The following CCDC125 variants were observed in gnomAD, a reference collection of about 807,000 sequenced individuals.
The protein encoded by CCDC125 is coiled-coil domain-containing protein 125.
Under a neutral mutation model 57.4 loss-of-function variants are expected in CCDC125, and 43 were observed. The ratio of observed to expected loss-of-function variants is 0.75; its 90% CI spans 0.59 to 0.97. The LOEUF is 0.97. Among genes scored for constraint, CCDC125 ranks in the 50% least tolerant of loss-of-function variants. CCDC125 has a pLI of 0.00. For synonymous variants in CCDC125, 187 were observed against 195.2 expected, an observed-to-expected ratio of 0.96 and a Z score of 0.35; for missense variants, 563 against 595.7, an observed-to-expected ratio of 0.95 and a Z score of 0.57.
chr5:69,275,892 C>T (rs1352922658), downstream of CCDC125, among the ~76,000 whole-genome samples: 3 of 152,138 alleles, frequency 2.0e-5, no homozygotes, highest in Admixed American at 2.0e-4. Context: ...ATCTTGGCTT[C>T]CATCCCCAAG....
intron 11 of CCDC125, among the ~76,000 whole-genome samples, chr5:69,283,790 C>T (rs1242728777): frequency 2.3e-5 from 3 of 127,760 alleles, no homozygotes; most frequent in Non-Finnish European, 5.1e-5. Flanking sequence ...GCCAGGCTGA[C>T]AATTTTTTTT....
chr5:69,292,894 G>A (rs191931222), intron 9 of CCDC125, among the ~76,000 whole-genome samples: 224 of 150,490 alleles, frequency 1.5e-3, no homozygotes, highest in Admixed American at 6.4e-3. Flanking sequence ...AGGCTGGAGT[G>A]CAGTGTCGTG....
At chr5:69,302,233 T>G (rs10940214) in intron 7 of CCDC125, among the ~76,000 whole-genome samples, 1 of 150,530 alleles carries the variant, frequency 6.6e-6, no homozygotes. Context: ...ACCAGCCTGG[T>G]CAACATGGTG....
intron 10 of CCDC125, among the ~76,000 whole-genome samples, chr5:69,291,744 A>G (rs1010793141): frequency 3.3e-5 from 5 of 152,196 alleles, no homozygotes; most frequent in African/African-American, 1.2e-4. Flanking sequence ...TAATTTGTCC[A>G]ACTTAAGGTT....
At chr5:69,307,027 T>A (rs1757427054) in intron 5 of CCDC125, 125 bp from the exon 6 acceptor site, 1 of 1,122,416 alleles carries the variant, frequency 8.9e-7, no homozygotes, top group Non-Finnish European at 1.1e-6. Context: ...AAAAATTAAT[T>A]ATTGCTCTAA....
intron 2 of CCDC125, among the ~76,000 whole-genome samples, chr5:69,315,779 G>T (rs962111586): frequency 1.8e-5 from 2 of 110,446 alleles, no homozygotes; most frequent in South Asian, 2.9e-4. Flanking sequence ...AAAAAAAAAA[G>T]AAACCAAAAA....
chr5:69,313,897 G>A lies in CCDC125; in HGVS notation c.366+88C>T, dbSNP rs1365335284. ...TGTTTCCAGAAGCAAAAAGGAGAGGGCATGGAGAGCTGCAGAAGACGAGAG... is the reference window on the plus strand; with the variant it reads ...TGTTTCCAGAAGCAAAAAGGAGAGGACATGGAGAGCTGCAGAAGACGAGAG... On this transcript the variant is annotated intron_variant, in intron 3 of 11. Transcript: ENST00000396496. 3 of 971,688 alleles carry A rather than the reference G, an allele frequency of 3.1e-6. No homozygotes were observed. In the African/African-American group the frequency reaches 4.8e-5, roughly 16 times the overall value. The allele number at this position is 971,688 out of a possible 1,614,324, so 60.2% of individuals were successfully genotyped here.
At chr5:69,313,232 G>A in intron 3 of CCDC125, 1 of 485,716 alleles carries the variant, frequency 2.1e-6, no homozygotes. Context: ...AGGTCTGTTT[G>A]GCAACTGGGG....
intron 10 of CCDC125, 96 bp downstream of exon 10, chr5:69,292,092 T>G: frequency 9.2e-7 from 1 of 1,092,238 alleles, no homozygotes; most frequent in Non-Finnish European, 1.3e-6. Flanking sequence ...TTCAATTATT[T>G]TTGCCCACAT....
At chr5:69,286,852 G>C (rs1344031339) in intron 10 of CCDC125, among the ~76,000 whole-genome samples, 1 of 152,130 alleles carries the variant, frequency 6.6e-6, no homozygotes, top group Non-Finnish European at 1.5e-5. Flanking sequence ...ACGAGGAGCT[G>C]TGGCAAACAG....
chr5:69,311,330 A>G, intron 3 of CCDC125, 126 bp from the exon 4 acceptor site: 1 of 561,818 alleles, frequency 1.8e-6, no homozygotes, highest in Non-Finnish European at 3.1e-6. Flanking sequence ...ATTCTTCTAG[A>G]CTTAGTGAGT....
At position 69,320,479 on chromosome 5, in the gene CCDC125, TC is replaced by T; in HGVS notation, c.61del (p.Asp21MetfsTer3). 1 of 1,613,712 alleles carries T rather than the reference TC, an allele frequency of 6.2e-7. No homozygotes were observed. Among genetic ancestry groups the T allele is most frequent in the South Asian group, 1.1e-5 (1 of 91,072 alleles). ...CCCTAAATCACCTTCTGTCATGTCA[TC>T]CTCTTCTGTTTCCCAGAGCTGCACG... ...SDVQLWETEE[D>X]DMTEGDLGYG... On this transcript the variant is annotated frameshift_variant, in exon 2 of 12. Transcript: ENST00000396496. LOFTEE classifies it high-confidence loss of function.
chr5:69,290,446 G>A (rs1754222016), intron 10 of CCDC125, among the ~76,000 whole-genome samples: 1 of 150,778 alleles, frequency 6.6e-6, no homozygotes, highest in African/African-American at 2.4e-5. Flanking sequence ...GGGATTACAG[G>A]TGAGTGCCAT....
chr5:69,316,152 T>C (rs1490886246), intron 2 of CCDC125, among the ~76,000 whole-genome samples: 3 of 152,142 alleles, frequency 2.0e-5, no homozygotes, highest in African/African-American at 7.2e-5. Context: ...GAGGGCAGAG[T>C]GACTCTGGGT....
chr5:69,318,303 C>T (rs1184534969), intron 2 of CCDC125, among the ~76,000 whole-genome samples: 7 of 151,410 alleles, frequency 4.6e-5, no homozygotes, highest in Admixed American at 4.0e-4. Context: ...TTAAATTAGC[C>T]GGATATGGTG....
At chr5:69,278,211 T>G (rs1752299563), downstream of CCDC125, among the ~76,000 whole-genome samples, 1 of 150,868 alleles carries the variant, frequency 6.6e-6, no homozygotes. Context: ...TTCACTTTAT[T>G]TTATTTTTTT....
chr5:69,279,678 C>CGT (rs993489054), downstream of CCDC125, among the ~76,000 whole-genome samples: 4 of 152,022 alleles, frequency 2.6e-5, no homozygotes, highest in Admixed American at 6.6e-5. Context: ...CTGACTTCCT[C>CGT]GTGTGTGTGT....
chr5:69,314,114 G>T, intron 2 of CCDC125, 68 bp from the exon 3 acceptor site: 1 of 1,093,886 alleles, frequency 9.1e-7, no homozygotes, highest in South Asian at 1.3e-5. Flanking sequence ...TTAAACATAG[G>T]ACATTTGTTT....
chr5:69,318,772 T>G (rs1026885811), intron 2 of CCDC125, among the ~76,000 whole-genome samples: 6 of 150,768 alleles, frequency 4.0e-5, no homozygotes, highest in Admixed American at 1.3e-4. Flanking sequence ...TAAATAAAAA[T>G]AAAAAATAAA....
Sources: gnomAD v4.1 joint callset for allele counts (sites outside exome capture counted in the v4.1 genomes callset) on GRCh38, gnomAD v4.1.1 for gene constraint, MANE v1.5 for transcripts, NCBI Gene and HGNC (gene_info 2026-07-23, HGNC 2026-07-21) for gene names.